Variants in TUSC3 observed in about 807,000 individuals in gnomAD.
The protein encoded by TUSC3 is dolichyl-diphosphooligosaccharide--protein glycosyltransferase subunit TUSC3.
A neutral mutation model predicts 44.8 loss-of-function variants in TUSC3; 45 were observed. That is an observed-to-expected ratio of 1.00 (90% CI 0.79 to 1.29). The LOEUF (loss-of-function observed/expected upper bound fraction) is 1.29, where lower values mean the gene tolerates loss of function less well. TUSC3 is among the 50% of genes most tolerant of loss of function. The pLI is 0.00. For synonymous variants in TUSC3, 212 were observed against 152.9 expected (o/e 1.39, Z -2.85); for missense variants, 519 against 437.9 (o/e 1.19, Z -1.65).
chr8:15,440,079 T>C (rs1413390307), intron 1 of TUSC3, among the ~76,000 whole-genome samples: 2 of 152,208 alleles, frequency 1.3e-5, no homozygotes, highest in Admixed American at 6.5e-5. Flanking sequence ...CACTTACGCA[T>C]GTGTAACTAC....
At chr8:15,552,583 A>G (rs773808985) in intron 1 of TUSC3, among the ~76,000 whole-genome samples, 6 of 151,764 alleles carry the variant, frequency 4.0e-5, no homozygotes, top group Admixed American at 6.6e-5. Flanking sequence ...AAGGTCCAGC[A>G]TATGAAAAAA....
At chr8:15,735,588 T>C (rs62503672) in intron 7 of TUSC3, among the ~76,000 whole-genome samples, 30,617 of 152,264 alleles carry the variant, frequency 0.2, 3,943 homozygotes, top group Non-Finnish European at 0.29. Flanking sequence ...TCAAAACCTC[T>C]GTGGTGAATA....
At chr8:15,840,807 C>G in the TUSC3 span, among the ~76,000 whole-genome samples, 1 of 152,006 alleles carries the variant, frequency 6.6e-6, no homozygotes, top group Non-Finnish European at 1.5e-5. Flanking sequence ...ACTTGGATGC[C>G]AACGCCAAAG....
Position 15,651,362 on chromosome 8 carries a change from G to A in TUSC3, c.426+548G>A, listed in dbSNP as rs921758640. 2.0e-5 allele frequency among the ~76,000 whole-genome samples: 3 copies of A among 152,116 alleles called. 1 individual carries two copies. Among genetic ancestry groups the A allele is most frequent in the Non-Finnish European group, 4.4e-5 (3 of 68,032 alleles). ...GGCAGATAGTATTTTACATATAGAG[G>A]ATTAAATATTTATTGACAAGTATTT... On this transcript the variant is annotated intron_variant, in intron 3 of 10. Transcript: ENST00000503731.
At chr8:15,542,358 G>A (rs1801720788) in intron 1 of TUSC3, among the ~76,000 whole-genome samples, 1 of 151,998 alleles carries the variant, frequency 6.6e-6, no homozygotes, top group African/African-American at 2.4e-5. Flanking sequence ...CAGACCTAAG[G>A]TCTGTGTTGA....
intron 1 of TUSC3, among the ~76,000 whole-genome samples, chr8:15,588,039 T>G (rs976945509): frequency 2.6e-5 from 4 of 152,282 alleles, no homozygotes; most frequent in African/African-American, 7.2e-5. Context: ...AGGTATCTTT[T>G]TAATATACTG....
At chr8:15,738,266 C>G (rs549992949) in intron 7 of TUSC3, among the ~76,000 whole-genome samples, 1 of 152,164 alleles carries the variant, frequency 6.6e-6, no homozygotes, top group Non-Finnish European at 1.5e-5. Flanking sequence ...AAAATTCCCA[C>G]TTTAAGGTTG....
chr8:15,441,992 T>C (rs1390341687), intron 1 of TUSC3, among the ~76,000 whole-genome samples: 1 of 152,144 alleles, frequency 6.6e-6, no homozygotes, highest in Non-Finnish European at 1.5e-5. Flanking sequence ...TCCCGATAAG[T>C]TGGTTTGTTC....
the TUSC3 span, among the ~76,000 whole-genome samples, chr8:15,826,895 G>C: frequency 6.6e-6 from 1 of 152,276 alleles, no homozygotes; most frequent in South Asian, 2.1e-4. Context: ...TTGGAGCTGG[G>C]TTGGGAACAG....
chr8:15,742,957 C>T (rs1444250576), intron 7 of TUSC3, among the ~76,000 whole-genome samples: 1 of 152,166 alleles, frequency 6.6e-6, no homozygotes, highest in Admixed American at 6.6e-5. Context: ...TGATCTCATT[C>T]TTAAGGTATC....
intron 1 of TUSC3, among the ~76,000 whole-genome samples, chr8:15,611,045 T>C (rs1220711014): frequency 6.6e-6 from 1 of 152,262 alleles, no homozygotes; most frequent in Non-Finnish European, 1.5e-5. Flanking sequence ...TTAATTTCTC[T>C]ATTTCTCATT....
At chr8:15,746,557 T>G (rs1172907735) in intron 8 of TUSC3, among the ~76,000 whole-genome samples, 2 of 152,036 alleles carry the variant, frequency 1.3e-5, no homozygotes, top group East Asian at 3.9e-4. Context: ...TGCACTGAGT[T>G]CCTCTGCCTT....
intron 6 of TUSC3, among the ~76,000 whole-genome samples, chr8:15,677,769 C>T (rs570389593): frequency 1.3e-5 from 2 of 152,174 alleles, no homozygotes; most frequent in African/African-American, 4.8e-5. Context: ...AGTGCAGGGG[C>T]AGGAAAGGTG....
intron 1 of TUSC3, among the ~76,000 whole-genome samples, chr8:15,583,196 A>G (rs971180664): frequency 6.6e-6 from 1 of 152,224 alleles, no homozygotes; most frequent in African/African-American, 2.4e-5. Flanking sequence ...ATGAAATTAA[A>G]TAGTATACTT....
At chr8:15,798,032 G>T in the TUSC3 span, among the ~76,000 whole-genome samples, 1 of 152,112 alleles carries the variant, frequency 6.6e-6, no homozygotes, top group African/African-American at 2.4e-5. Flanking sequence ...TACTATGTCC[G>T]ATAGAACACC....
chr8:15,761,251 T>C (rs898579322), intron 10 of TUSC3, among the ~76,000 whole-genome samples: 1 of 152,180 alleles, frequency 6.6e-6, no homozygotes, highest in Non-Finnish European at 1.5e-5. Flanking sequence ...ATCTAAATTG[T>C]GGTTTTCTAC....
chr8:15,848,793 T>A, the TUSC3 span, among the ~76,000 whole-genome samples: 1 of 152,194 alleles, frequency 6.6e-6, no homozygotes, highest in Admixed American at 6.5e-5. Context: ...TCTATGAAAA[T>A]AACTTCTTTG....
At chr8:15,844,611 G>T in the TUSC3 span, among the ~76,000 whole-genome samples, 6 of 152,226 alleles carry the variant, frequency 3.9e-5, no homozygotes, top group South Asian at 1.2e-3. Flanking sequence ...GACAATGGCT[G>T]TATATTAGTA....
At position 15,423,991 on chromosome 8, in the gene TUSC3, T is replaced by G. The variant is rs1386942440; in HGVS notation, n.91+6686T>G. On this transcript the variant is annotated intron_variant and non_coding_transcript_variant, in intron 1 of 5. Transcript: ENST00000503191. ...TTTGTTTTTTTTTTTTTTTTTTTTT[T>G]TTTTTTTTTTTTTTTTGAGAAGGAG... Among the ~76,000 whole-genome samples the G allele has an allele frequency of 4.8e-4, 64 of 133,514 alleles. 5 individuals carry two copies. Among genetic ancestry groups the G allele is most frequent in the African/African-American group, 1.5e-3 (56 of 36,996 alleles). The allele number at this position is 133,514 out of a possible 152,430, so 87.6% of individuals were successfully genotyped here.
Sources: allele counts gnomAD v4.1 joint callset (sites outside exome capture counted in the v4.1 genomes callset), GRCh38; gene constraint gnomAD v4.1.1; transcripts MANE v1.5; gene names NCBI Gene and HGNC (gene_info 2026-07-23, HGNC 2026-07-21).